CATSPERG: variants seen among roughly 807,000 people sequenced by gnomAD.
The protein encoded by CATSPERG is cation channel sperm-associated auxiliary subunit gamma.
In CATSPERG, 115 loss-of-function variants were observed where a neutral mutation model predicts 145.0. The ratio of observed to expected loss-of-function variants is 0.79; its 90% confidence interval spans 0.68 to 0.93. CATSPERG has a LOEUF of 0.93. CATSPERG is among the 40% of genes least tolerant of loss of function. The pLI is 0.00. For synonymous variants in CATSPERG, 588 were observed against 589.0 expected, an observed-to-expected ratio of 1.00 and a Z score of 0.02; for missense variants, 1,296 against 1,490.1, an observed-to-expected ratio of 0.87 and a Z score of 2.14.
intron 26 of CATSPERG, among the ~76,000 whole-genome samples, chr19:38,368,730 T>A (rs1324718292): frequency 6.6e-6 from 1 of 152,198 alleles, no homozygotes; most frequent in Non-Finnish European, 1.5e-5. Flanking sequence ...TGGCACAATC[T>A]CAGCTCACTG....
intron 14 of CATSPERG, 128 bp from the exon 15 acceptor site, chr19:38,360,361 T>C: frequency 6.8e-7 from 1 of 1,473,828 alleles, no homozygotes; most frequent in Non-Finnish European, 9.0e-7. Flanking sequence ...GCGCCCTTGG[T>C]CCCAGTGGAG....
intron 13 of CATSPERG, among the ~76,000 whole-genome samples, chr19:38,358,904 C>T (rs928072384): frequency 2.0e-5 from 3 of 152,020 alleles, no homozygotes; most frequent in African/African-American, 7.3e-5. Context: ...GGCTACAGGA[C>T]AGTGGCAAAA....
chr19:38,348,716 AC>A (rs2145077665), intron 7 of CATSPERG, among the ~76,000 whole-genome samples: 1 of 150,724 alleles, frequency 6.6e-6, no homozygotes, highest in South Asian at 2.1e-4. Context: ...CAAGTGATCC[AC>A]CCGCCTCAGC....
rs568259369 is a variant in CATSPERG, at chr19:38,342,957, C to G, written c.325-623C>G. On this transcript the variant is annotated intron_variant, in intron 3 of 28. Transcript: ENST00000409235. ...TCCTGTGTAATCGCCCCATCCTACA[C>G]TCACCCCAAGCTCAAGGCCCAGAAC... Among the ~76,000 whole-genome samples the G allele has an allele frequency of 4.3e-4, 65 of 152,290 alleles. 1 individual carries two copies. The highest frequency in any genetic ancestry group is 9.2e-4 in the Admixed American group (14 of 15,286).
At chr19:38,368,345 C>T (rs1314015813) in intron 26 of CATSPERG, among the ~76,000 whole-genome samples, 1 of 152,198 alleles carries the variant, frequency 6.6e-6, no homozygotes, top group Non-Finnish European at 1.5e-5. Context: ...GGCAGATGCC[C>T]CTTCAGCCAG....
At chr19:38,366,364 G>A (rs933383670) in intron 22 of CATSPERG, 1 of 152,310 alleles carries the variant, frequency 6.6e-6, no homozygotes, top group Non-Finnish European at 1.5e-5. Context: ...CACCTCCTTA[G>A]AGTACATGAG....
At chr19:38,344,416 T>G (rs1444313797) in intron 6 of CATSPERG, 48 bp downstream of exon 6, 1 of 1,496,592 alleles carries the variant, frequency 6.7e-7, no homozygotes, top group Non-Finnish European at 9.1e-7. Flanking sequence ...GGCCTTAGGC[T>G]GACGCCCTGG....
Position 38,358,325 on chromosome 19 carries a change from G to A in CATSPERG, c.1363G>A (p.Glu455Lys). 1 of 1,614,204 alleles carries A rather than the reference G, an allele frequency of 6.2e-7. No individual in the cohort carries two copies. Among genetic ancestry groups the A allele is most frequent in the Non-Finnish European group, 8.5e-7 (1 of 1,180,020 alleles). ...LLYHIPEFIP[E>K]ARGLEFLMIL... ...CTACCACATCCCAGAATTCATCCCT[G>A]AAGGTAGGAAGGGAAGGCAGACGTG... Residue 455 changes from glutamate to lysine, a missense_variant, in exon 12 of 29, where the codon GAA (glutamate) becomes AAA (lysine). Glu to Lys is a moderately conservative substitution (Grantham distance 56). Transcript: ENST00000409235.
chr19:38,367,438 CCGT>C, intron 23 of CATSPERG, 68 bp from the exon 24 acceptor site: 3 of 1,568,230 alleles, frequency 1.9e-6, no homozygotes, highest in Non-Finnish European at 2.6e-6. Context: ...TCACTTTCCC[CCGT>C]CTCGGTCCTC....
chr19:38,344,935 C>T (rs1219888886), intron 6 of CATSPERG, among the ~76,000 whole-genome samples: 3 of 121,002 alleles, frequency 2.5e-5, no homozygotes, highest in African/African-American at 9.5e-5. Flanking sequence ...GAGACGGGGC[C>T]TCGCTCTGTC....
At chr19:38,347,224 C>CA (rs928333056) in intron 7 of CATSPERG, among the ~76,000 whole-genome samples, 3 of 151,284 alleles carry the variant, frequency 2.0e-5, no homozygotes, top group East Asian at 1.9e-4. Flanking sequence ...AACAAACAAA[C>CA]AAAAAAAACT....
At position 38,362,339 on chromosome 19, in the gene CATSPERG, C is replaced by A. The variant is rs755084964; in HGVS notation, c.2158-37C>A. ...GGACACCCCTCACCGTGCCCCACCC[C>A]CGGCGCTGACTCTGCCCCGCGCATC... On this transcript the variant is annotated intron_variant, in intron 18 of 28. Coordinates refer to ENST00000409235, the MANE Select transcript of CATSPERG (RefSeq NM_021185.5). 6.2e-6 allele frequency: 10 copies of A among 1,613,606 alleles called. No individual in the cohort carries two copies. In the East Asian group the frequency reaches 1.6e-4, roughly 25 times the overall value.
At chr19:38,359,323 G>T in intron 13 of CATSPERG, 147 bp from the exon 14 acceptor site, 1 of 528,874 alleles carries the variant, frequency 1.9e-6, no homozygotes, top group Admixed American at 2.6e-5. Flanking sequence ...AAAGGGTTTG[G>T]GGTGGGGGGC....
chr19:38,363,078 G>A lies in CATSPERG; in HGVS notation c.2475+246G>A, dbSNP rs138577130. Among the ~76,000 whole-genome samples the A allele has an allele frequency of 4.4e-3, 666 of 151,988 alleles. 6 individuals carry two copies. Among genetic ancestry groups the A allele is most frequent in the African/African-American group, 0.015 (626 of 41,446 alleles). On this transcript the variant is annotated intron_variant, in intron 20 of 28. Coordinates refer to ENST00000409235, the MANE Select transcript of CATSPERG (RefSeq NM_021185.5). ...TTTTGAGACGGAGTCTTGCTCAGTC[G>A]CCCAGGCTGGAGTGCAATGGCACGA...
At chr19:38,356,993 G>GGTT in intron 11 of CATSPERG, 132 bp downstream of exon 11, 1 of 1,191,286 alleles carries the variant, frequency 8.4e-7, no homozygotes, top group Non-Finnish European at 1.2e-6. Flanking sequence ...TCCTGGTTGA[G>GGTT]GAGTAGCAGT....
chr19:38,369,808 G>A (rs1016351662), intron 26 of CATSPERG, among the ~76,000 whole-genome samples, 164 bp from the exon 27 acceptor site: 5 of 152,268 alleles, frequency 3.3e-5, no homozygotes, highest in South Asian at 2.1e-4. Context: ...CACAGTAGGC[G>A]TTCAGTCAGC....
In CATSPERG at chr19:38,370,026, T is replaced by C; in HGVS notation, c.3075T>C (p.Phe1025=). 1 of 1,614,236 alleles carries C rather than the reference T, an allele frequency of 6.2e-7. No individual in the cohort carries two copies. Among genetic ancestry groups the C allele is most frequent in the East Asian group, 2.2e-5 (1 of 44,878 alleles). Residue 1025 remains phenylalanine, a synonymous_variant, in exon 27 of 29, where the codon TTT becomes TTC. Transcript: ENST00000409235. The part of the protein sequence containing the change: ...PCYDNVPQGI[F]APEFFFKVLV... ...ATGACAATGTTCCCCAAGGCATCTT[T>C]GCCCCTGAATTCTTCTTCAAGGTGT... is the stretch of plus-strand genomic sequence containing the variant.
At chr19:38,367,467 G>A in intron 23 of CATSPERG, 42 bp from the exon 24 acceptor site, 1 of 1,599,236 alleles carries the variant, frequency 6.3e-7, no homozygotes, top group East Asian at 2.2e-5. Flanking sequence ...CTCGGGCCAA[G>A]CTAATTTCTT....
In CATSPERG at chr19:38,362,434, T is replaced by A. The variant is rs1227900019; in HGVS notation, c.2216T>A (p.Met739Lys). The A allele has an allele frequency of 6.2e-7, 1 of 1,614,026 alleles. No individual in the cohort carries two copies. The highest frequency in any genetic ancestry group is 1.1e-5 in the South Asian group (1 of 91,090). The change falls in exon 19 of 29, where the codon ATG becomes AAG. Residue 739 changes from methionine to lysine, a missense_variant. By Grantham distance (95) the Met-to-Lys change is moderately conservative. Transcript: ENST00000409235. Reference sequence around the variant, plus strand: ...AGCGCGGGCGGCGTGTCCATAGAAATGGACAGCTACGAAAAGATCTACAAC... The same window carrying A: ...AGCGCGGGCGGCGTGTCCATAGAAAAGGACAGCTACGAAAAGATCTACAAC... ...WRSAGGVSIE[M>K]DSYEKIYNLE...
Sources: allele counts gnomAD v4.1 joint callset (sites outside exome capture counted in the v4.1 genomes callset), GRCh38; gene constraint gnomAD v4.1.1; transcripts MANE v1.5; gene names NCBI Gene and HGNC (gene_info 2026-07-23, HGNC 2026-07-21).